ESRP1: variants seen among roughly 807,000 people sequenced by gnomAD.
ESRP1 encodes epithelial splicing regulatory protein 1, also known as RNA-binding motif protein 35A.
ESRP1 carries 33 observed loss-of-function variants against 81.7 expected under a neutral mutation model. The ratio of observed to expected loss-of-function variants is 0.40; its 90% CI spans 0.31 to 0.54. The LOEUF is 0.54. Ranked by LOEUF, ESRP1 falls within the 20% of genes least tolerant of loss-of-function variation. The probability of loss-of-function intolerance (pLI) is 0.41; values close to 1 mark genes in which losing one functional copy is unlikely to be tolerated. For missense variants in ESRP1, 672 were observed against 833.1 expected, an observed-to-expected ratio of 0.81 and a Z score of 2.38; for synonymous variants, 320 against 303.3, an observed-to-expected ratio of 1.06 and a Z score of -0.57.
chr8:94,687,173 C>A (rs1191172088), intron 13 of ESRP1, among the ~76,000 whole-genome samples: 1 of 152,180 alleles, frequency 6.6e-6, no homozygotes, highest in African/African-American at 2.4e-5. Context: ...ACTGACCCCT[C>A]TCCCCACCCC....
At chr8:94,676,585 T>C (rs995590278) in intron 12 of ESRP1, among the ~76,000 whole-genome samples, 3 of 151,738 alleles carry the variant, frequency 2.0e-5, no homozygotes, top group Non-Finnish European at 4.4e-5. Flanking sequence ...CTGCAACCTC[T>C]GACTCCCAGG....
intron 13 of ESRP1, among the ~76,000 whole-genome samples, chr8:94,680,939 A>C (rs1808848165): frequency 6.6e-6 from 1 of 151,996 alleles, no homozygotes; most frequent in Admixed American, 6.6e-5. Flanking sequence ...GTGGTGGGTT[A>C]TGCCTGTAAT....
At chr8:94,676,403 G>T (rs1010009738) in intron 12 of ESRP1, among the ~76,000 whole-genome samples, 3 of 150,884 alleles carry the variant, frequency 2.0e-5, no homozygotes, top group Admixed American at 2.0e-4. Flanking sequence ...AAACATTGCA[G>T]CCCAATCTAT....
chr8:94,649,084 G>C (rs1319541006), intron 4 of ESRP1, among the ~76,000 whole-genome samples: 1 of 152,168 alleles, frequency 6.6e-6, no homozygotes, highest in Admixed American at 6.5e-5. Flanking sequence ...AGCCGGGCAT[G>C]ATGACGCACA....
intron 4 of ESRP1, 101 bp from the exon 5 acceptor site, chr8:94,662,171 T>C: frequency 1.5e-6 from 1 of 685,536 alleles, no homozygotes; most frequent in Non-Finnish European, 2.4e-6. Flanking sequence ...GAAGCTCAGC[T>C]AGATCCATCT....
intron 1 of ESRP1, 120 bp downstream of exon 1, chr8:94,641,570 T>G (rs1817590386): frequency 7.1e-7 from 1 of 1,411,066 alleles, no homozygotes; most frequent in Non-Finnish European, 9.8e-7. Context: ...CACTTGTGAG[T>G]CTGGACCCGA....
intron 13 of ESRP1, among the ~76,000 whole-genome samples, chr8:94,690,276 A>ATTTTTTTTTTTT (rs373440584): frequency 8.1e-5 from 5 of 61,370 alleles, no homozygotes; most frequent in Non-Finnish European, 1.2e-4. Context: ...TGCCTGGCTA[A>ATTTTTTTTTTTT]TTTTTTTTTT....
At chr8:94,669,067 G>A (rs1009315451) in intron 10 of ESRP1, among the ~76,000 whole-genome samples, 2 of 152,100 alleles carry the variant, frequency 1.3e-5, no homozygotes, top group East Asian at 1.9e-4. Context: ...TTACAGGCAT[G>A]AGCCACCACG....
intron 13 of ESRP1, among the ~76,000 whole-genome samples, chr8:94,687,598 G>A (rs1563543898): frequency 6.6e-6 from 1 of 152,076 alleles, no homozygotes; most frequent in Admixed American, 6.6e-5. Context: ...AATTCTTACT[G>A]TCTTTAATTT....
intron 11 of ESRP1, among the ~76,000 whole-genome samples, chr8:94,673,816 AAGATT>A (rs1819454077): frequency 6.6e-6 from 1 of 152,102 alleles, no homozygotes; most frequent in Admixed American, 6.6e-5. Context: ...GGGATGAGGG[AAGATT>A]GAAAGGGATA....
chr8:94,680,342 A>C (rs907892692), intron 13 of ESRP1, among the ~76,000 whole-genome samples: 1 of 152,218 alleles, frequency 6.6e-6, no homozygotes, highest in African/African-American at 2.4e-5. Context: ...CAAGCATGGG[A>C]ATTATATGCT....
chr8:94,661,080 G>A (rs1046132482), intron 4 of ESRP1, among the ~76,000 whole-genome samples: 7 of 152,014 alleles, frequency 4.6e-5, no homozygotes, highest in Non-Finnish European at 7.4e-5. Context: ...TCTACCTCTC[G>A]CCCAGGCTGG....
chr8:94,665,286 A>G, intron 9 of ESRP1, 90 bp downstream of exon 9: 1 of 1,267,564 alleles, frequency 7.9e-7, no homozygotes, highest in Non-Finnish European at 1.1e-6. Flanking sequence ...GAATAGGGTC[A>G]TGAATGGTTT....
intron 14 of ESRP1, among the ~76,000 whole-genome samples, chr8:94,693,848 C>T (rs928252226): frequency 6.6e-6 from 1 of 152,096 alleles, no homozygotes; most frequent in Non-Finnish European, 1.5e-5. Flanking sequence ...ATGCTACCAG[C>T]CCAAACCTAC....
intron 13 of ESRP1, among the ~76,000 whole-genome samples, chr8:94,683,129 A>G (rs1442639201): frequency 6.6e-6 from 1 of 150,758 alleles, no homozygotes; most frequent in African/African-American, 2.4e-5. Flanking sequence ...TTTTTAGTAG[A>G]GACGGTGTTT....
intron 13 of ESRP1, among the ~76,000 whole-genome samples, chr8:94,683,712 T>C (rs1356992727): frequency 6.6e-6 from 1 of 152,198 alleles, no homozygotes; most frequent in African/African-American, 2.4e-5. Context: ...AATATTATAA[T>C]ATGAGAGAAG....
intron 3 of ESRP1, among the ~76,000 whole-genome samples, chr8:94,644,321 T>C (rs1337345718): frequency 1.8e-4 from 28 of 152,278 alleles, no homozygotes; most frequent in Middle Eastern, 3.4e-3. Flanking sequence ...TATATTTAGG[T>C]ACCTGTATAA....
At chr8:94,679,122 G>A (rs145594322) in intron 13 of ESRP1, among the ~76,000 whole-genome samples, 17 of 152,284 alleles carry the variant, frequency 1.1e-4, no homozygotes, top group Admixed American at 5.2e-4. Context: ...GTCCAATACA[G>A]AATTTTCCAC....
intron 13 of ESRP1, chr8:94,688,228 A>G (rs1809223035): frequency 7.9e-6 from 1 of 126,026 alleles, no homozygotes; most frequent in Non-Finnish European, 1.7e-5. Context: ...TGCCATCAAA[A>G]TGGTGCACAT....
Sources: allele counts gnomAD v4.1 joint callset (sites outside exome capture counted in the v4.1 genomes callset), GRCh38; gene constraint gnomAD v4.1.1; transcripts MANE v1.5; gene names NCBI Gene and HGNC (gene_info 2026-07-23, HGNC 2026-07-21).